MFN2: variants seen among roughly 807,000 people sequenced by gnomAD.
MFN2 encodes mitofusin-2.
In MFN2, 43 loss-of-function variants were observed where a neutral mutation model predicts 87.5. The observed-to-expected ratio is 0.49, with a 90% confidence interval of 0.38 to 0.63. The LOEUF (loss-of-function observed/expected upper bound fraction) is 0.63, where lower values mean the gene tolerates loss of function less well. Among genes scored for constraint, MFN2 ranks in the 30% least tolerant of loss-of-function variants. MFN2 has a pLI of 0.00. For missense variants in MFN2, 743 were observed against 972.8 expected, an observed-to-expected ratio of 0.76 and a Z score of 3.14; for synonymous variants, 337 against 359.9, an observed-to-expected ratio of 0.94 and a Z score of 0.72.
At chr1:12,001,076 A>G (rs1430003296) in intron 8 of MFN2, among the ~76,000 whole-genome samples, 2 of 151,948 alleles carry the variant, frequency 1.3e-5, no homozygotes, top group Non-Finnish European at 2.9e-5. Context: ...CAGTGGTGCT[A>G]TCTTGGCTCA....
chr1:11,986,201 CATGTA>C (rs1638398588), intron 2 of MFN2, among the ~76,000 whole-genome samples: 2 of 152,222 alleles, frequency 1.3e-5, no homozygotes, highest in African/African-American at 4.8e-5. Flanking sequence ...ATTTGGTCTT[CATGTA>C]CCTCTTCCGG....
rs1639284995 is a variant in MFN2, at chr1:12,003,841, T to C, written c.1161-151T>C. 26 of 992,790 alleles carry C rather than the reference T, an allele frequency of 2.6e-5. No individual in the cohort carries two copies. Among genetic ancestry groups the C allele is most frequent in the South Asian group, 2.5e-4 (19 of 76,078 alleles). The allele number at this position is 992,790 out of a possible 1,614,324, so 61.5% of individuals were successfully genotyped here. A position where few individuals can be genotyped will look rare whatever the true frequency, so the allele number is the denominator to read the frequency against. ...TTGGCTGCAGGGTCCTCTTCTTACC[T>C]GGGAAGGGGAAGGCCATGCCCCTGG... On this transcript the variant is annotated intron_variant, in intron 11 of 18. Transcript: ENST00000235329. The surrounding 1 kb of genome is among the most constrained non-coding windows in gnomAD (Gnocchi z 4.1).
chr1:12,010,758 C>T (rs1260501462), intron 18 of MFN2, among the ~76,000 whole-genome samples: 4 of 152,170 alleles, frequency 2.6e-5, no homozygotes, highest in Non-Finnish European at 2.9e-5. Context: ...GATTTCATGA[C>T]ACAGCTGCAT....
chr1:11,982,246 G>A (rs1645999872), intron 2 of MFN2, 132 bp downstream of exon 2: 1 of 152,164 alleles, frequency 6.6e-6, no homozygotes, highest in African/African-American at 2.4e-5. Flanking sequence ...TCTAACTTGT[G>A]TTGAAAAACT....
chr1:12,000,306 C>T (rs1569848231), intron 8 of MFN2, among the ~76,000 whole-genome samples: 2 of 152,058 alleles, frequency 1.3e-5, no homozygotes, highest in East Asian at 3.9e-4. Context: ...AATTCTGCCT[C>T]AGCCTCCCGA....
chr1:11,990,041 T>C (rs1638609991), intron 3 of MFN2, among the ~76,000 whole-genome samples: 2 of 152,214 alleles, frequency 1.3e-5, no homozygotes, highest in African/African-American at 4.8e-5. Context: ...CTGCCCTTGG[T>C]TTCCTCACTT....
At position 11,981,786 on chromosome 1, in the gene MFN2, A is replaced by G. The variant is rs1032339040; in HGVS notation, c.-149-184A>G. 2.6e-5 allele frequency: 4 copies of G among 152,232 alleles called. No homozygotes were observed. In the East Asian group the frequency reaches 7.7e-4, roughly 29 times the overall value. 9.4% of individuals were successfully genotyped at this position (152,232 alleles called of 1,614,324 possible). A position where few individuals can be genotyped will look rare whatever the true frequency, so the allele number is the denominator to read the frequency against. Reference sequence around the variant, plus strand: ...CGTGTGCACAGTCAGGATTGGTCCCACACCTCTGCGTTTTTTTCCCCAGGG... The same window carrying G: ...CGTGTGCACAGTCAGGATTGGTCCCGCACCTCTGCGTTTTTTTCCCCAGGG... On this transcript the variant is annotated intron_variant, in intron 1 of 18. Transcript: ENST00000235329.
chr1:11,988,381 G>A lies in MFN2; in HGVS notation c.-4-784G>A, dbSNP rs932672372. Reference sequence around the variant, plus strand: ...GCCTCCCAGAGTGCTGGGATTACAGGCATAACCCACCATGCCTGGCTGTTT... The same window carrying A: ...GCCTCCCAGAGTGCTGGGATTACAGACATAACCCACCATGCCTGGCTGTTT... On this transcript the variant is annotated intron_variant, in intron 2 of 18. Coordinates refer to ENST00000235329, the MANE Select transcript of MFN2 (RefSeq NM_014874.4). Among the ~76,000 whole-genome samples, 6 of 150,038 alleles carry A rather than the reference G, an allele frequency of 4.0e-5. 1 individual carries two copies. Among genetic ancestry groups the A allele is most frequent in the African/African-American group, 1.5e-4 (6 of 40,636 alleles).
At position 12,007,279 on chromosome 1, in the gene MFN2, G is replaced by C. The variant is rs77941748; in HGVS notation, c.2069+30G>C. ...GTGGCCCTGTCGGACCCCAGCAGGG[G>C]ACTTCCTTTAGGCAGGGTCAGCCCC... On this transcript the variant is annotated intron_variant, in intron 17 of 18. Coordinates refer to ENST00000235329, the MANE Select transcript of MFN2 (RefSeq NM_014874.4). The C allele has an allele frequency of 9.8e-3, 15,797 of 1,608,584 alleles. 128 individuals carry two copies. The highest frequency in any genetic ancestry group is 0.037 in the African/African-American group (2,756 of 74,858).
rs988251409 is a variant in MFN2, at chr1:12,012,354, T to C, written c.*789T>C. On this transcript the variant is annotated 3_prime_UTR_variant, in exon 19 of 19. Transcript: ENST00000235329. ...AGTCCTGGACTTGTGCAGGCCTGTT[T>C]TGTGTAGATCTGTTTTGGAAGATGG... 1 of 152,506 alleles carries C rather than the reference T, an allele frequency of 6.6e-6. No homozygotes were observed. The highest frequency in any genetic ancestry group is 2.4e-5 in the African/African-American group (1 of 41,336). The allele number at this position is 152,506 out of a possible 1,614,324, so 9.4% of individuals were successfully genotyped here. A position where few individuals can be genotyped will look rare whatever the true frequency, so the allele number is the denominator to read the frequency against.
At chr1:12,002,240 A>G in intron 11 of MFN2, 137 bp downstream of exon 11, 4 of 1,434,402 alleles carry the variant, frequency 2.8e-6, no homozygotes, top group Non-Finnish European at 3.9e-6. Context: ...TTCCCTGGCC[A>G]CCAGACCATG....
At chr1:11,997,034 G>A (rs1393278841) in intron 5 of MFN2, among the ~76,000 whole-genome samples, 20 of 101,466 alleles carry the variant, frequency 2.0e-4, no homozygotes, top group African/African-American at 5.6e-4. Flanking sequence ...GCGAGACTCC[G>A]TCTCAAAAAA....
At position 12,009,007 on chromosome 1, in the gene MFN2, G is replaced by A. The variant is rs569545243; in HGVS notation, c.2070-585G>A. 1.2e-4 allele frequency among the ~76,000 whole-genome samples: 19 copies of A among 152,344 alleles called. 1 individual carries two copies. In the East Asian group the frequency reaches 1.5e-3, roughly 12 times the overall value. ...CCGGTTAGGAGCTGGAGACCAGCGC[G>A]GCCAACACAGCGAAACCCCATCTCC... On this transcript the variant is annotated intron_variant, in intron 17 of 18. Transcript: ENST00000235329.
chr1:11,996,400 A>G, intron 5 of MFN2, 82 bp downstream of exon 5: 1 of 1,538,168 alleles, frequency 6.5e-7, no homozygotes, highest in Non-Finnish European at 8.9e-7. Flanking sequence ...CCTCACCTCT[A>G]GGGAGGGGGC....
intron 17 of MFN2, 111 bp from the exon 18 acceptor site, chr1:12,009,481 T>G: frequency 6.7e-7 from 1 of 1,482,040 alleles, no homozygotes; most frequent in Non-Finnish European, 9.4e-7. Flanking sequence ...AGGGCAGAGC[T>G]GCTGGCAGGG....
chr1:11,986,486 C>T (rs994854935), intron 2 of MFN2, among the ~76,000 whole-genome samples: 5 of 152,016 alleles, frequency 3.3e-5, no homozygotes, highest in South Asian at 2.1e-4. Flanking sequence ...AAGTAGCTTT[C>T]GCCGTGGTGG....
chr1:11,999,303 C>T (rs77556128), intron 8 of MFN2, among the ~76,000 whole-genome samples: 287 of 152,310 alleles, frequency 1.9e-3, no homozygotes, highest in African/African-American at 6.7e-3. Context: ...CTTCAAGCCA[C>T]TCTCCCCTAG....
In MFN2 at chr1:12,011,752, C is replaced by G. The variant is rs1161416078; in HGVS notation, c.*187C>G. ...TTTCCCCCACCTTTGCCTGCTGTTG[C>G]TGGAAGAGCTGGCTCATACCCCCAA... On this transcript the variant is annotated 3_prime_UTR_variant, in exon 19 of 19. Transcript: ENST00000235329. 4 of 644,510 alleles carry G rather than the reference C, an allele frequency of 6.2e-6. No homozygotes were observed. Among genetic ancestry groups the G allele is most frequent in the Non-Finnish European group, 1.1e-5 (4 of 364,066 alleles). 39.9% of individuals were successfully genotyped at this position (644,510 alleles called of 1,614,324 possible).
At chr1:11,999,880 G>A (rs1468494565) in intron 8 of MFN2, among the ~76,000 whole-genome samples, 1 of 151,864 alleles carries the variant, frequency 6.6e-6, no homozygotes, top group Non-Finnish European at 1.5e-5. Context: ...GGATCACGAG[G>A]TCAGGAGATC....
Sources: allele counts gnomAD v4.1 joint callset (sites outside exome capture counted in the v4.1 genomes callset), GRCh38; gene constraint gnomAD v4.1.1; non-coding constraint Gnocchi (gnomAD v3.1); transcripts MANE v1.5; gene names NCBI Gene and HGNC (gene_info 2026-07-23, HGNC 2026-07-21).